KCNMA1: variants seen among roughly 807,000 people sequenced by gnomAD.
KCNMA1 encodes the protein potassium calcium-activated channel subfamily M alpha 1.
A neutral mutation model predicts 140.0 loss-of-function variants in KCNMA1; 29 were observed. That is an observed-to-expected ratio of 0.21 (90% CI 0.15 to 0.28). The LOEUF (loss-of-function observed/expected upper bound fraction) is 0.28. Ranked by LOEUF, KCNMA1 falls within the 10% of genes least tolerant of loss-of-function variation. KCNMA1 has a pLI of 1.00. For synonymous variants in KCNMA1, 612 were observed against 611.9 expected (o/e 1.00, Z 0.00); for missense variants, 880 against 1,602.2 (o/e 0.55, Z 7.70).
At chr10:77,557,616 G>GT (rs1162424383) in intron 1 of KCNMA1, among the ~76,000 whole-genome samples, 1 of 150,526 alleles carries the variant, frequency 6.6e-6, no homozygotes, top group African/African-American at 2.4e-5. Flanking sequence ...TCTGGGGCAG[G>GT]TTAAGAAATT....
At chr10:77,229,593 G>C (rs1449239213) in intron 3 of KCNMA1, among the ~76,000 whole-genome samples, 4 of 152,112 alleles carry the variant, frequency 2.6e-5, no homozygotes, top group Non-Finnish European at 2.9e-5. Flanking sequence ...CCTGCCCAAG[G>C]CTACCTTCCT....
Position 77,063,258 on chromosome 10 carries a change from C to T in KCNMA1, c.1749+9839G>A, listed in dbSNP as rs188555322. 9.9e-5 allele frequency among the ~76,000 whole-genome samples: 15 copies of T among 152,102 alleles called. 1 individual carries two copies. Among genetic ancestry groups the T allele is most frequent in the Admixed American group, 7.2e-4 (11 of 15,284 alleles). ...TGAAACCCCGTCTCTACTAAAAATA[C>T]AAAAATTAGCCGGGTGTGGTGGCTC... On this transcript the variant is annotated intron_variant, in intron 14 of 27. Coordinates refer to ENST00000286628, the MANE Select transcript of KCNMA1 (RefSeq NM_001161352.2).
intron 9 of KCNMA1, among the ~76,000 whole-genome samples, chr10:77,098,514 T>C (rs1397611800): frequency 1.3e-5 from 2 of 152,034 alleles, no homozygotes; most frequent in East Asian, 3.9e-4. Flanking sequence ...GGTTCTTTTC[T>C]GTCCTTTCTG....
intron 21 of KCNMA1, among the ~76,000 whole-genome samples, chr10:76,951,413 G>A (rs559807962): frequency 1.3e-5 from 2 of 152,190 alleles, no homozygotes; most frequent in African/African-American, 2.4e-5. Context: ...TGTGTATGAC[G>A]GGACTTGCCT....
intron 1 of KCNMA1, among the ~76,000 whole-genome samples, chr10:77,612,505 C>T (rs1189590876): frequency 1.3e-5 from 2 of 152,156 alleles, no homozygotes; most frequent in South Asian, 2.1e-4. Context: ...GCTCCATTTC[C>T]TCTGAATTCC....
chr10:76,911,368 G>T (rs995979776), intron 24 of KCNMA1: 3 of 152,294 alleles, frequency 2.0e-5, no homozygotes, highest in South Asian at 2.1e-4. Flanking sequence ...GGTCACATTT[G>T]GGTCCCCATT....
At chr10:77,132,903 A>G (rs2097895526) in intron 5 of KCNMA1, among the ~76,000 whole-genome samples, 1 of 152,340 alleles carries the variant, frequency 6.6e-6, no homozygotes, top group East Asian at 1.9e-4. Flanking sequence ...TAATGGATTC[A>G]TTTATGTGTT....
rs377703496 is a variant in KCNMA1, at chr10:77,366,232, G to C, written c.540+37630C>G. On this transcript the variant is annotated intron_variant, in intron 2 of 27. Transcript: ENST00000286628. ...CACCCATGCTGGAGTGCAATGGCAC[G>C]ATCTCAGCTCACTGCCACCTCCGCC... Among the ~76,000 whole-genome samples the C allele has an allele frequency of 1.7e-4, 25 of 150,964 alleles. No homozygotes were observed. In the East Asian group the frequency reaches 3.3e-3, roughly 20 times the overall value.
intron 3 of KCNMA1, among the ~76,000 whole-genome samples, chr10:77,208,061 C>T (rs1056403935): frequency 6.6e-6 from 1 of 152,240 alleles, no homozygotes; most frequent in African/African-American, 2.4e-5. Context: ...CCACATCTTC[C>T]ATTTTACACA....
chr10:77,142,990 A>G (rs1351383368), intron 5 of KCNMA1, among the ~76,000 whole-genome samples: 1 of 152,208 alleles, frequency 6.6e-6, no homozygotes, highest in Non-Finnish European at 1.5e-5. Flanking sequence ...AATTCTACCA[A>G]ATATTTATGG....
chr10:77,149,230 G>T (rs1269647338), intron 5 of KCNMA1, among the ~76,000 whole-genome samples: 1 of 152,174 alleles, frequency 6.6e-6, no homozygotes, highest in East Asian at 1.9e-4. Context: ...CCTAAGGGGA[G>T]AAGAGTCTCT....
chr10:77,155,825 A>C (rs1712463309), intron 5 of KCNMA1, among the ~76,000 whole-genome samples: 1 of 152,218 alleles, frequency 6.6e-6, no homozygotes. Flanking sequence ...ACCCTGACAC[A>C]GTGAAACAAT....
intron 3 of KCNMA1, among the ~76,000 whole-genome samples, chr10:77,233,393 G>A (rs1260892233): frequency 1.3e-5 from 2 of 152,032 alleles, no homozygotes; most frequent in African/African-American, 4.8e-5. Context: ...CCATGATTTG[G>A]ACCAAAAAAA....
At chr10:76,915,298 T>A (rs1485622500) in intron 23 of KCNMA1, among the ~76,000 whole-genome samples, 1 of 152,144 alleles carries the variant, frequency 6.6e-6, no homozygotes, top group Non-Finnish European at 1.5e-5. Flanking sequence ...AATTATTTAT[T>A]CTGCTCATAG....
chr10:77,311,266 T>C (rs1023269797), intron 2 of KCNMA1, among the ~76,000 whole-genome samples: 1 of 152,118 alleles, frequency 6.6e-6, no homozygotes, highest in Non-Finnish European at 1.5e-5. Flanking sequence ...GCAAATACAG[T>C]GGTGGTCCCT....
chr10:77,136,080 T>C (rs2098016665), intron 5 of KCNMA1, among the ~76,000 whole-genome samples: 1 of 152,234 alleles, frequency 6.6e-6, no homozygotes, highest in Non-Finnish European at 1.5e-5. Context: ...CATTGTGGAA[T>C]TATAAACTGA....
At chr10:77,206,147 A>G (rs115337810) in intron 3 of KCNMA1, among the ~76,000 whole-genome samples, 1,530 of 152,348 alleles carry the variant, frequency 0.01, 33 homozygotes, top group African/African-American at 0.035. Flanking sequence ...AAGCTTAAGA[A>G]CAATCTCTTT....
chr10:77,637,734 T>C lies in KCNMA1; in HGVS notation c.-92A>G, dbSNP rs1267686556. 9.1e-6 allele frequency: 12 copies of C among 1,314,580 alleles called. No individual in the cohort carries two copies. Among genetic ancestry groups the C allele is most frequent in the Non-Finnish European group, 1.1e-5 (12 of 1,044,096 alleles). The allele number at this position is 1,314,580 out of a possible 1,614,324, so 81.4% of individuals were successfully genotyped here. A position where few individuals can be genotyped will look rare whatever the true frequency, so the allele number is the denominator to read the frequency against. ...CACCCATCAACAGCCATATTGCTGC[T>C]ACTGCTGCCGCCGCCGCCGCCGCCG... is the stretch of plus-strand genomic sequence containing the variant. On this transcript the variant is annotated 5_prime_UTR_variant, in exon 1 of 28. Coordinates refer to ENST00000286628, the MANE Select transcript of KCNMA1 (RefSeq NM_001161352.2).
Position 77,636,417 on chromosome 10 carries a change from C to T in KCNMA1, c.378+848G>A, listed in dbSNP as rs766251984. 1.6e-4 allele frequency: 253 copies of T among 1,536,152 alleles called. No homozygotes were observed. Among genetic ancestry groups the T allele is most frequent in the Non-Finnish European group, 2.1e-4 (237 of 1,146,890 alleles). On this transcript the variant is annotated intron_variant, in intron 1 of 27. Transcript: ENST00000286628. Reference sequence around the variant, plus strand: ...GCCGACGACATCTAGCCACCTCGAGCGCCAGGGAAGACGCTCCGCGTAAAA... The same window carrying T: ...GCCGACGACATCTAGCCACCTCGAGTGCCAGGGAAGACGCTCCGCGTAAAA...
Sources: allele counts gnomAD v4.1 joint callset (sites outside exome capture counted in the v4.1 genomes callset), GRCh38; gene constraint gnomAD v4.1.1; transcripts MANE v1.5; gene names NCBI Gene and HGNC (gene_info 2026-07-23, HGNC 2026-07-21).